DOCK4: variants seen among roughly 807,000 people sequenced by gnomAD.
DOCK4 encodes dedicator of cytokinesis 4.
A neutral mutation model predicts 268.1 loss-of-function variants in DOCK4; 97 were observed. The ratio of observed to expected loss-of-function variants is 0.36; its 90% CI spans 0.31 to 0.43. The LOEUF (loss-of-function observed/expected upper bound fraction) is 0.43. Among genes scored for constraint, DOCK4 ranks in the 20% least tolerant of loss-of-function variants. The probability of loss-of-function intolerance (pLI) is 1.00; values close to 1 mark genes in which losing one functional copy is unlikely to be tolerated. For synonymous variants in DOCK4, 954 were observed against 887.2 expected, an observed-to-expected ratio of 1.08 and a Z score of -1.34; for missense variants, 2,145 against 2,455.7, an observed-to-expected ratio of 0.87 and a Z score of 2.67.
At chr7:111,757,679 T>C (rs1716095372) in intron 41 of DOCK4, among the ~76,000 whole-genome samples, 2 of 152,062 alleles carry the variant, frequency 1.3e-5, no homozygotes, top group African/African-American at 2.4e-5. Flanking sequence ...TCTGATCTCC[T>C]CTCGGTTGTG....
intron 30 of DOCK4, among the ~76,000 whole-genome samples, chr7:111,797,757 T>C (rs940371349): frequency 2.6e-5 from 4 of 152,116 alleles, no homozygotes; most frequent in African/African-American, 7.2e-5. Context: ...AAACTGTCTA[T>C]AATAGACCAA....
intron 22 of DOCK4, 26 bp from the exon 23 acceptor site, chr7:111,863,590 C>A (rs769022831): frequency 2.6e-6 from 4 of 1,565,934 alleles, no homozygotes; most frequent in Middle Eastern, 1.7e-4. Context: ...ACATTTAAAT[C>A]AACTCCCAGA....
intron 1 of DOCK4, among the ~76,000 whole-genome samples, chr7:112,052,463 C>T (rs950600375): frequency 6.6e-6 from 1 of 152,170 alleles, no homozygotes; most frequent in East Asian, 1.9e-4. Flanking sequence ...CTTCTTCCCC[C>T]CCTCACTTCG....
At chr7:112,077,572 C>G (rs1808187298) in intron 1 of DOCK4, among the ~76,000 whole-genome samples, 1 of 152,026 alleles carries the variant, frequency 6.6e-6, no homozygotes, top group Non-Finnish European at 1.5e-5. Context: ...ATACGCATTC[C>G]AAAGTGAGTT....
intron 23 of DOCK4, among the ~76,000 whole-genome samples, chr7:111,850,858 C>A (rs143113440): frequency 1.3e-5 from 2 of 152,142 alleles, no homozygotes; most frequent in South Asian, 2.1e-4. Context: ...CCACCTACAC[C>A]GAAGTGATTA....
At chr7:112,173,340 G>A (rs1240722141) in intron 1 of DOCK4, among the ~76,000 whole-genome samples, 1 of 152,188 alleles carries the variant, frequency 6.6e-6, no homozygotes, top group African/African-American at 2.4e-5. Context: ...CTCAAGGGAA[G>A]GAGGGAAATG....
chr7:111,973,835 C>T (rs376222418), intron 8 of DOCK4, among the ~76,000 whole-genome samples: 3 of 151,910 alleles, frequency 2.0e-5, no homozygotes, highest in African/African-American at 7.2e-5. Flanking sequence ...GGGTTCCTTA[C>T]AATAGTCTAC....
intron 8 of DOCK4, among the ~76,000 whole-genome samples, chr7:111,949,377 C>T (rs1795875829): frequency 6.6e-6 from 1 of 152,156 alleles, no homozygotes; most frequent in South Asian, 2.1e-4. Context: ...AACAATGTTT[C>T]CTAAAGTATT....
At chr7:112,050,317 A>C (rs530131655) in intron 1 of DOCK4, among the ~76,000 whole-genome samples, 1 of 152,172 alleles carries the variant, frequency 6.6e-6, no homozygotes, top group South Asian at 2.1e-4. Flanking sequence ...ACTATGGAGG[A>C]GGCTCTTTTG....
chr7:111,840,853 A>G (rs1803630355), intron 25 of DOCK4: 1 of 1,350,920 alleles, frequency 7.4e-7, no homozygotes, highest in Admixed American at 1.9e-5. Context: ...AAGACTCCCT[A>G]TTCAGAAAGC....
At chr7:112,001,673 C>T (rs1259834414) in intron 2 of DOCK4, among the ~76,000 whole-genome samples, 1 of 152,126 alleles carries the variant, frequency 6.6e-6, no homozygotes, top group Non-Finnish European at 1.5e-5. Flanking sequence ...ATCTTCTATT[C>T]ATGAAACTGT....
chr7:112,027,598 T>C (rs1802917743), intron 1 of DOCK4, among the ~76,000 whole-genome samples: 1 of 152,246 alleles, frequency 6.6e-6, no homozygotes. Context: ...AGGCAAATGA[T>C]ACATATCAGC....
chr7:112,122,329 T>C (rs1451297417), intron 1 of DOCK4, among the ~76,000 whole-genome samples: 1 of 152,198 alleles, frequency 6.6e-6, no homozygotes, highest in African/African-American at 2.4e-5. Flanking sequence ...TCCTCTTTCC[T>C]CTGTCCCCCC....
chr7:111,870,103 T>G (rs766389926), intron 20 of DOCK4, among the ~76,000 whole-genome samples: 2 of 152,126 alleles, frequency 1.3e-5, no homozygotes, highest in Non-Finnish European at 2.9e-5. Flanking sequence ...GCCTCCCCAC[T>G]GCTATGCACA....
intron 23 of DOCK4, among the ~76,000 whole-genome samples, chr7:111,854,252 C>G (rs1056029057): frequency 1.3e-5 from 2 of 152,220 alleles, no homozygotes; most frequent in African/African-American, 4.8e-5. Context: ...AGTTAAAGAT[C>G]AACCCCTGAC....
chr7:111,728,892 G>C (rs964110413), intron 52 of DOCK4, among the ~76,000 whole-genome samples, 172 bp from the exon 53 acceptor site: 1 of 152,186 alleles, frequency 6.6e-6, no homozygotes, highest in East Asian at 1.9e-4. Flanking sequence ...CATTATGGTG[G>C]ATCCTAATCC....
chr7:111,835,274 G>A (rs1803150032), intron 25 of DOCK4, among the ~76,000 whole-genome samples: 1 of 152,138 alleles, frequency 6.6e-6, no homozygotes, highest in Non-Finnish European at 1.5e-5. Flanking sequence ...TTGATCTGCT[G>A]ACTCACAGGG....
intron 30 of DOCK4, among the ~76,000 whole-genome samples, chr7:111,794,818 T>C (rs1478695023): frequency 6.6e-6 from 1 of 152,266 alleles, no homozygotes; most frequent in Non-Finnish European, 1.5e-5. Context: ...GAATTCTTAA[T>C]CACTCTCCTA....
chr7:112,026,136 G>A (rs1802765506), intron 1 of DOCK4, among the ~76,000 whole-genome samples: 1 of 152,184 alleles, frequency 6.6e-6, no homozygotes, highest in African/African-American at 2.4e-5. Flanking sequence ...CCTACAACAG[G>A]GGTCCCCAGC....
Sources: gnomAD v4.1 joint callset for allele counts (sites outside exome capture counted in the v4.1 genomes callset) on GRCh38, gnomAD v4.1.1 for gene constraint, MANE v1.5 for transcripts, NCBI Gene and HGNC (gene_info 2026-07-23, HGNC 2026-07-21) for gene names.